Variants in ACVR2A observed in about 807,000 individuals in gnomAD.
ACVR2A encodes activin receptor type-2A.
Under a neutral mutation model 61.4 loss-of-function variants are expected in ACVR2A, and 7 were observed. The observed-to-expected ratio is 0.11, with a 90% CI of 0.06 to 0.21. ACVR2A has a LOEUF of 0.21. ACVR2A is among the 10% of genes least tolerant of loss of function. ACVR2A has a pLI of 1.00. For synonymous variants in ACVR2A, 193 were observed against 208.3 expected (o/e 0.93, Z 0.63); for missense variants, 322 against 621.7 (o/e 0.52, Z 5.13).
At chr2:147,913,321 T>A (rs1687164841) in intron 4 of ACVR2A, among the ~76,000 whole-genome samples, 1 of 151,882 alleles carries the variant, frequency 6.6e-6, no homozygotes, top group Non-Finnish European at 1.5e-5. Flanking sequence ...ATCTTAATAT[T>A]GTAATTTAGC....
chr2:147,894,640 G>A (rs1166302925), intron 1 of ACVR2A, among the ~76,000 whole-genome samples: 1 of 152,004 alleles, frequency 6.6e-6, no homozygotes, highest in Non-Finnish European at 1.5e-5. Context: ...AAATTCTTTT[G>A]ACTATTGGAA....
intron 4 of ACVR2A, among the ~76,000 whole-genome samples, chr2:147,912,626 T>C (rs565880742): frequency 7.8e-4 from 118 of 152,098 alleles, no homozygotes; most frequent in Non-Finnish European, 1.3e-3. Flanking sequence ...GCCAATTAAT[T>C]GAAAATCATT....
rs1687620845 is a variant in ACVR2A at position 147,929,875 on chromosome 2, G to A, written c.*2601G>A. 6.6e-6 allele frequency: 1 copy of A among 152,432 alleles called. No individual in the cohort carries two copies. The highest frequency in any genetic ancestry group is 2.4e-5 in the African/African-American group (1 of 41,398). The allele number at this position is 152,432 out of a possible 1,614,324, so 9.4% of individuals were successfully genotyped here. A position where few individuals can be genotyped will look rare whatever the true frequency, so the allele number is the denominator to read the frequency against. On this transcript the variant is annotated 3_prime_UTR_variant, in exon 11 of 11. Transcript: ENST00000241416. ...CTTTCTGATACCCATCAGAACTGCT[G>A]CTGCTCTAACTTATACTCTTTACCT...
chr2:147,885,151 A>C (rs1199676813), intron 1 of ACVR2A, among the ~76,000 whole-genome samples: 1 of 152,084 alleles, frequency 6.6e-6, no homozygotes, highest in Non-Finnish European at 1.5e-5. Flanking sequence ...CTGAATTCCT[A>C]TACTGTGCTA....
chr2:147,885,486 C>A (rs1246940421), intron 1 of ACVR2A, among the ~76,000 whole-genome samples: 1 of 151,990 alleles, frequency 6.6e-6, no homozygotes, highest in African/African-American at 2.4e-5. Context: ...GTGAAAAAAG[C>A]CTTTACAATC....
Position 147,927,726 on chromosome 2 carries a change from A to G in ACVR2A, c.*452A>G, listed in dbSNP as rs137976741. On this transcript the variant is annotated 3_prime_UTR_variant, in exon 11 of 11. Coordinates refer to ENST00000241416, the MANE Select transcript of ACVR2A (RefSeq NM_001616.5). Reference sequence around the variant, plus strand: ...TTTTATTGCATTTGCTGTTGTTTCTATAAATGACTATTGTAATGCCAATAT... The same window carrying G: ...TTTTATTGCATTTGCTGTTGTTTCTGTAAATGACTATTGTAATGCCAATAT... The G allele has an allele frequency of 1.3e-5, 2 of 154,614 alleles. No individual in the cohort carries two copies. The highest frequency in any genetic ancestry group is 1.3e-4 in the Admixed American group (2 of 15,278). The allele number at this position is 154,614 out of a possible 1,614,324, so 9.6% of individuals were successfully genotyped here. A position where few individuals can be genotyped will look rare whatever the true frequency, so the allele number is the denominator to read the frequency against.
intron 1 of ACVR2A, among the ~76,000 whole-genome samples, chr2:147,868,621 T>TTTTATTTATTTA (rs566332005): frequency 8.4e-4 from 127 of 151,066 alleles, no homozygotes; most frequent in African/African-American, 2.9e-3. Flanking sequence ...TTTTATTTTA[T>TTTTATTTATTTA]TTTATTTATT....
In ACVR2A at chr2:147,913,093, A is replaced by G. The variant is rs570234154; in HGVS notation, c.529-2098A>G. 2.0e-3 allele frequency among the ~76,000 whole-genome samples: 306 copies of G among 151,376 alleles called. 1 individual carries two copies. The highest frequency in any genetic ancestry group is 3.7e-3 in the Non-Finnish European group (249 of 67,746). On this transcript the variant is annotated intron_variant, in intron 4 of 10. Transcript: ENST00000241416. ...TATGCATTTGGAAAACATTTAATGA[A>G]CTTTTTTTTTTAATGTAGATATTAA...
Position 147,915,347 on chromosome 2 carries a change from C to A in ACVR2A, c.672+13C>A, listed in dbSNP as rs1170193947. 1.2e-6 allele frequency: 2 copies of A among 1,610,134 alleles called. No homozygotes were observed. The highest frequency in any genetic ancestry group is 1.3e-5 in the African/African-American group (1 of 74,670). Reference sequence around the variant, plus strand: ...ATTTCCAATACAGGTATGTTTATTGCAGTTTTGTCATCTTACATACATGTT... The same window carrying A: ...ATTTCCAATACAGGTATGTTTATTGAAGTTTTGTCATCTTACATACATGTT... On this transcript the variant is annotated intron_variant, in intron 5 of 10. Transcript: ENST00000241416.
intron 1 of ACVR2A, among the ~76,000 whole-genome samples, chr2:147,863,377 C>G (rs182655508): frequency 1.3e-5 from 2 of 152,286 alleles, no homozygotes; most frequent in Middle Eastern, 3.4e-3. Context: ...CTGCTTGACC[C>G]TTGAACAACG....
chr2:147,922,926 C>A, intron 8 of ACVR2A, 47 bp from the exon 9 acceptor site: 1 of 1,578,356 alleles, frequency 6.3e-7, no homozygotes, highest in South Asian at 1.2e-5. Flanking sequence ...TATGTTAGTT[C>A]ATAAAGTTAA....
intron 1 of ACVR2A, among the ~76,000 whole-genome samples, chr2:147,864,894 C>T (rs573618403): frequency 2.3e-4 from 35 of 152,206 alleles, no homozygotes; most frequent in African/African-American, 8.4e-4. Context: ...TCTAAGAAAA[C>T]AGTCACTTTG....
At chr2:147,897,870 A>G (rs1686778766) in intron 2 of ACVR2A, among the ~76,000 whole-genome samples, 1 of 152,206 alleles carries the variant, frequency 6.6e-6, no homozygotes, top group Admixed American at 6.5e-5. Context: ...CTCTGCTAAC[A>G]GAAGTGGTCA....
intron 4 of ACVR2A, among the ~76,000 whole-genome samples, chr2:147,905,228 A>C (rs1686960887): frequency 6.6e-6 from 1 of 152,008 alleles, no homozygotes; most frequent in South Asian, 2.1e-4. Flanking sequence ...CTTTTTTATA[A>C]ACTATAAACT....
In ACVR2A at chr2:147,845,202, C is replaced by G. The variant is rs375035474; in HGVS notation, c.50C>G (p.Ser17Cys). Residue 17 changes from serine to cysteine, a missense_variant, in exon 1 of 11, where the codon TCT becomes TGT. This residue lies in a region of ACVR2A where 142 missense variants were observed against 200.3 expected (regional missense o/e 0.71). Transcript: ENST00000241416. The stretch of plus-strand genomic sequence containing the variant: ...TTTGCCGTCTTTCTTATCTCCTGTT[C>G]TTCAGGTAGGTGCAGGGAGCGCGGC... The part of the protein sequence containing the change: ...LAFAVFLISC[S>C]SGAILGRSET... The G allele has an allele frequency of 2.5e-6, 4 of 1,612,780 alleles. No homozygotes were observed. Among genetic ancestry groups the G allele is most frequent in the Non-Finnish European group, 3.4e-6 (4 of 1,179,802 alleles).
At chr2:147,911,863 A>C (rs1276221210) in intron 4 of ACVR2A, among the ~76,000 whole-genome samples, 1 of 152,000 alleles carries the variant, frequency 6.6e-6, no homozygotes, top group Non-Finnish European at 1.5e-5. Context: ...TCGCCTCAAA[A>C]ACCTTGTATT....
At chr2:147,924,794 C>T (rs998423086) in intron 9 of ACVR2A, among the ~76,000 whole-genome samples, 2 of 151,840 alleles carry the variant, frequency 1.3e-5, no homozygotes, top group Non-Finnish European at 2.9e-5. Flanking sequence ...GATTCTGACT[C>T]AGTAGGTCTG....
intron 9 of ACVR2A, chr2:147,925,828 A>C (rs375136220): frequency 2.0e-6 from 1 of 487,960 alleles, no homozygotes. Flanking sequence ...ATTACATGCC[A>C]AATTATAGGC....
chr2:147,847,253 A>G (rs967294839), intron 1 of ACVR2A, among the ~76,000 whole-genome samples: 6 of 152,162 alleles, frequency 3.9e-5, no homozygotes, highest in African/African-American at 1.4e-4. Flanking sequence ...ATTCTGTTGA[A>G]GATAATTGAA....
Sources: allele counts gnomAD v4.1 joint callset (sites outside exome capture counted in the v4.1 genomes callset), GRCh38; gene constraint gnomAD v4.1.1; regional missense constraint gnomAD v4.1.1; transcripts MANE v1.5; gene names NCBI Gene and HGNC (gene_info 2026-07-23, HGNC 2026-07-21).